The following GTPBP4 variants were observed in gnomAD, a reference collection of about 807,000 sequenced individuals.
GTPBP4 encodes the protein GTP binding protein 4.
Under a neutral mutation model 81.7 loss-of-function variants are expected in GTPBP4, and 15 were observed. The ratio of observed to expected loss-of-function variants is 0.18; its 90% CI spans 0.12 to 0.28. The LOEUF is 0.28. GTPBP4 is among the 10% of genes least tolerant of loss of function. The pLI, the probability that GTPBP4 is intolerant of heterozygous loss-of-function variation, is 1.00. For missense variants in GTPBP4, 847 were observed against 793.8 expected, an observed-to-expected ratio of 1.07 and a Z score of -0.81; for synonymous variants, 272 against 274.6, an observed-to-expected ratio of 0.99 and a Z score of 0.09.
At position 989,197 on chromosome 10, in the gene GTPBP4, C is replaced by T. The variant is rs555884914; in HGVS notation, c.48+670C>T. Among the ~76,000 whole-genome samples the T allele has an allele frequency of 2.0e-5, 3 of 150,928 alleles. No homozygotes were observed. In the South Asian group the frequency reaches 6.3e-4, roughly 32 times the overall value. On this transcript the variant is annotated intron_variant, in intron 1 of 16. Transcript: ENST00000360803. ...GAGCGCAGTCTCGGCTCACTGCAAC[C>T]TCCACCTCCCGCGTTCAAGCGATTC...
rs140995147 is a variant in GTPBP4, at chr10:1,012,637, C to G, written c.1517C>G (p.Pro506Arg). The G allele has an allele frequency of 7.4e-6, 12 of 1,613,374 alleles. No individual in the cohort carries two copies. In the African/African-American group the frequency reaches 1.6e-4, roughly 22 times the overall value. The change falls in exon 14 of 17, where the codon CCC becomes CGC. Residue 506 changes from proline (P) to arginine (R), a missense_variant. Coordinates refer to ENST00000360803, the MANE Select transcript of GTPBP4 (RefSeq NM_012341.3). ...LESKEKNTQG[P>R]RMPRTAKKVQ... ...TCCAAAGAAAAGAATACACAGGGAC[C>G]CAGGATGCCGCGAACTGCTAAGAAG...
At chr10:1,006,996 G>GC (rs1381838064) in intron 9 of GTPBP4, 22 bp from the exon 10 acceptor site, 9 of 1,453,650 alleles carry the variant, frequency 6.2e-6, no homozygotes, top group Non-Finnish European at 8.7e-6. Flanking sequence ...TTGTGACTGT[G>GC]CCTTCTTTTT....
rs1206971152 is a variant in GTPBP4, at chr10:992,549, C to G, written c.109C>G (p.His37Asp). 6.2e-7 allele frequency: 1 copy of G among 1,602,156 alleles called. No homozygotes were observed. Among genetic ancestry groups the G allele is most frequent in the Non-Finnish European group, 8.6e-7 (1 of 1,169,254 alleles). ...QRKTPTVIHK[H>D]YQIHRIRHFY... ...AAAGACTCCAACCGTTATTCATAAACATTACCAAATACATCGCATTAGACA... is the reference window on the plus strand; with the variant it reads ...AAAGACTCCAACCGTTATTCATAAAGATTACCAAATACATCGCATTAGACA... The change falls in exon 2 of 17, where the codon CAT (histidine) becomes GAT (aspartate). Residue 37 changes from histidine to aspartate, a missense_variant. His to Asp is a moderately conservative substitution (Grantham distance 81). This residue lies in a region of GTPBP4 where 241 missense variants were observed against 216.3 expected (regional missense o/e 1.11). Coordinates refer to ENST00000360803, the MANE Select transcript of GTPBP4 (RefSeq NM_012341.3).
At chr10:1,016,469 C>G (rs2132177679) in intron 16 of GTPBP4, among the ~76,000 whole-genome samples, 1 of 152,342 alleles carries the variant, frequency 6.6e-6, no homozygotes, top group Middle Eastern at 3.4e-3. Context: ...AATGGAGATG[C>G]AGGAGAGTCT....
intron 4 of GTPBP4, chr10:996,464 A>G (rs1393129541): frequency 2.8e-6 from 1 of 362,748 alleles, no homozygotes; most frequent in Non-Finnish European, 4.9e-6. Flanking sequence ...TTCATATTTA[A>G]TAGGTAAGGC....
chr10:993,392 A>C (rs1831482321), intron 2 of GTPBP4, among the ~76,000 whole-genome samples: 1 of 152,172 alleles, frequency 6.6e-6, no homozygotes, highest in Non-Finnish European at 1.5e-5. Context: ...AGCTGGGATT[A>C]CAGGTGCATA....
Position 1,017,078 on chromosome 10 carries a change from G to T in GTPBP4, c.1756G>T (p.Val586Leu). 1 of 1,609,050 alleles carries T rather than the reference G, an allele frequency of 6.2e-7. No individual in the cohort carries two copies. The highest frequency in any genetic ancestry group is 1.1e-5 in the South Asian group (1 of 90,008). Residue 586 changes from valine to leucine, a missense_variant, in exon 17 of 17, where the codon GTG (valine) becomes TTG (leucine). By Grantham distance (32) the Val-to-Leu change is conservative. Coordinates refer to ENST00000360803, the MANE Select transcript of GTPBP4 (RefSeq NM_012341.3). ...DVSGLRDVKM[V>L]KKAKTMMKNA... ...TATTTTTTTCTCCTCCTTTTAGATG[G>T]TGAAGAAAGCCAAGACTATGATGAA...
intron 6 of GTPBP4, among the ~76,000 whole-genome samples, 171 bp from the exon 7 acceptor site, chr10:1,000,506 G>C (rs1267626485): frequency 6.6e-6 from 1 of 151,534 alleles, no homozygotes; most frequent in African/African-American, 2.4e-5. Flanking sequence ...CAGAGTGCTG[G>C]GATTACAGGT....
At chr10:996,292 TGC>T (rs753317220) in intron 4 of GTPBP4, 50 bp downstream of exon 4, 1 of 1,542,530 alleles carries the variant, frequency 6.5e-7, no homozygotes. Flanking sequence ...GCTGAGAGGA[TGC>T]GTCCTTGTTG....
Position 1,012,581 on chromosome 10 carries a change from T to A in GTPBP4, c.1461T>A (p.Ile487=). Residue 487 remains isoleucine, a synonymous_variant, in exon 14 of 17, where the codon ATT becomes ATA. Coordinates refer to ENST00000360803, the MANE Select transcript of GTPBP4 (RefSeq NM_012341.3). ...MLEIRQLAKQ[I]REKKKLKILE... ...AAATCCGACAGCTGGCAAAGCAAATTCGAGAGAAAAAGAAGTTGAAAATTC... is the reference window on the plus strand; with the variant it reads ...AAATCCGACAGCTGGCAAAGCAAATACGAGAGAAAAAGAAGTTGAAAATTC... The A allele has an allele frequency of 6.2e-7, 1 of 1,613,876 alleles. No individual in the cohort carries two copies. The highest frequency in any genetic ancestry group is 8.5e-7 in the Non-Finnish European group (1 of 1,179,902).
intron 13 of GTPBP4, 98 bp downstream of exon 13, chr10:1,010,618 G>A (rs749568275): frequency 2.0e-5 from 15 of 753,432 alleles, no homozygotes; most frequent in African/African-American, 3.5e-5. Context: ...GGGCCTGTCC[G>A]CTTCATTCTG....
chr10:1,009,495 A>T, intron 11 of GTPBP4, 34 bp from the exon 12 acceptor site: 1 of 1,483,490 alleles, frequency 6.7e-7, no homozygotes, highest in Non-Finnish European at 9.4e-7. Context: ...GAAAGGCAAA[A>T]TGAAGCTGAT....
chr10:1,015,492 A>T (rs7917727), intron 15 of GTPBP4, among the ~76,000 whole-genome samples: 3 of 36,546 alleles, frequency 8.2e-5, no homozygotes, highest in African/African-American at 3.2e-4. Flanking sequence ...TGAGCCTGGG[A>T]GTGGGGCTGG....
intron 5 of GTPBP4, 82 bp from the exon 6 acceptor site, chr10:998,921 A>C: frequency 3.7e-6 from 3 of 804,990 alleles, no homozygotes; most frequent in Non-Finnish European, 6.7e-6. Context: ...TTTCCTACCC[A>C]AAATCAGTCT....
In GTPBP4 at chr10:996,089, T is replaced by C. The variant is rs1484089083; in HGVS notation, c.324-17T>C. ...GTTATCGAAAGTGGAAAAAATAATA[T>C]TTTTTATTTTTTACAGTGTTGCTAA... On this transcript the variant is annotated splice_polypyrimidine_tract_variant and intron_variant, in intron 3 of 16. Coordinates refer to ENST00000360803, the MANE Select transcript of GTPBP4 (RefSeq NM_012341.3). 1 of 1,247,916 alleles carries C rather than the reference T, an allele frequency of 8.0e-7. No individual in the cohort carries two copies. Among genetic ancestry groups the C allele is most frequent in the Non-Finnish European group, 1.1e-6 (1 of 916,574 alleles). The allele number at this position is 1,247,916 out of a possible 1,614,324, so 77.3% of individuals were successfully genotyped here.
intron 14 of GTPBP4, 102 bp from the exon 15 acceptor site, chr10:1,014,145 T>G: frequency 1.5e-6 from 1 of 678,880 alleles, no homozygotes; most frequent in South Asian, 1.7e-5. Context: ...ATAAGTATAT[T>G]ATAATTGTTG....
intron 4 of GTPBP4, chr10:996,516 A>G (rs1199282693): frequency 3.8e-6 from 1 of 265,104 alleles, no homozygotes; most frequent in Admixed American, 5.1e-5. Context: ...AAGTATAAAA[A>G]CTAAGGTGGC....
In GTPBP4 at chr10:1,009,569, T is replaced by G. The variant is rs1448773295; in HGVS notation, c.1232T>G (p.Leu411Trp). Reference protein sequence around the residue: ...LELEMGDDYILDLQKYWDLMN... With the variant: ...LELEMGDDYIWDLQKYWDLMN... Reference sequence around the variant, plus strand: ...CTGGAAATGGGAGATGATTATATTTTGGATCTTCAGAGTAAGGGCCAGAGT... The same window carrying G: ...CTGGAAATGGGAGATGATTATATTTGGGATCTTCAGAGTAAGGGCCAGAGT... Residue 411 changes from leucine (L) to tryptophan (W), a missense_variant, in exon 12 of 17, where the codon TTG becomes TGG. Leu to Trp is a moderately conservative substitution (Grantham distance 61, BLOSUM62 -2). Around this residue, in one of 3 missense-constraint regions of GTPBP4, gnomAD observed 600 missense variants for 557.1 expected, o/e 1.08. Coordinates refer to ENST00000360803, the MANE Select transcript of GTPBP4 (RefSeq NM_012341.3). 6.3e-7 allele frequency: 1 copy of G among 1,592,834 alleles called. No homozygotes were observed. Among genetic ancestry groups the G allele is most frequent in the Non-Finnish European group, 8.6e-7 (1 of 1,160,480 alleles).
In GTPBP4 at chr10:997,241, A is replaced by G. The variant is rs774522609; in HGVS notation, c.494A>G (p.Asp165Gly). The change falls in exon 5 of 17, where the codon GAT (aspartate) becomes GGT (glycine). Residue 165 changes from aspartate (D) to glycine (G), a missense_variant. Physicochemically the swap from Asp to Gly is moderately conservative, Grantham distance 94. Transcript: ENST00000360803. ...RQHLSRLPTI[D>G]PNTRTLLLCG... Reference sequence around the variant, plus strand: ...CATTTATCCCGTTTGCCAACCATTGATCCGAATACCAGGACCCTGCTTTTG... The same window carrying G: ...CATTTATCCCGTTTGCCAACCATTGGTCCGAATACCAGGACCCTGCTTTTG... 1 of 1,608,154 alleles carries G rather than the reference A, an allele frequency of 6.2e-7. No individual in the cohort carries two copies. Among genetic ancestry groups the G allele is most frequent in the Admixed American group, 1.7e-5 (1 of 60,012 alleles).
Sources: gnomAD v4.1 joint callset for allele counts (sites outside exome capture counted in the v4.1 genomes callset) on GRCh38, gnomAD v4.1.1 for gene constraint, gnomAD v4.1.1 regional missense constraint, MANE v1.5 for transcripts, NCBI Gene and HGNC (gene_info 2026-07-23, HGNC 2026-07-21) for gene names.